MDM2: variants seen among roughly 807,000 people sequenced by gnomAD.
The protein encoded by MDM2 is E3 ubiquitin-protein ligase Mdm2.
Under a neutral mutation model 64.3 loss-of-function variants are expected in MDM2, and 11 were observed. The observed-to-expected ratio is 0.17, with a 90% CI of 0.11 to 0.28. The LOEUF is 0.28. MDM2 is among the 10% of genes least tolerant of loss of function. MDM2 has a pLI of 1.00. For synonymous variants in MDM2, 194 were observed against 192.9 expected (o/e 1.01, Z -0.05); for missense variants, 388 against 577.1 (o/e 0.67, Z 3.36).
intron 8 of MDM2, among the ~76,000 whole-genome samples, chr12:68,830,013 T>A (rs1290357946): frequency 2.6e-5 from 4 of 152,254 alleles, no homozygotes; most frequent in African/African-American, 9.6e-5. Context: ...CAGGATGGCT[T>A]TGAATGTGGC....
At position 68,822,920 on chromosome 12, in the gene MDM2, T is replaced by C. The variant is rs183333838; in HGVS notation, c.359-1443T>C. 3.4e-4 allele frequency among the ~76,000 whole-genome samples: 52 copies of C among 152,258 alleles called. No homozygotes were observed. The East Asian group carries it at 9.7e-3, about 28-fold the overall frequency. ...CACGTCCGGTTAATTTTTGTATTTTTAGTAGAGAAAGGGTTTCACCATGTT... is the reference window on the plus strand; with the variant it reads ...CACGTCCGGTTAATTTTTGTATTTTCAGTAGAGAAAGGGTTTCACCATGTT... On this transcript the variant is annotated intron_variant, in intron 5 of 10. Coordinates refer to ENST00000258149, the MANE Select transcript of MDM2 (RefSeq NM_002392.6).
intron 10 of MDM2, 140 bp from the exon 11 acceptor site, chr12:68,839,134 C>G (rs569466336): frequency 1.4e-4 from 102 of 713,510 alleles, no homozygotes; most frequent in Admixed American, 4.3e-4. Context: ...TTTACAGTGA[C>G]TATTTTATAT....
At chr12:68,828,620 T>A (rs2087351243) in intron 7 of MDM2, 151 bp from the exon 8 acceptor site, 1 of 620,068 alleles carries the variant, frequency 1.6e-6, no homozygotes, top group Non-Finnish European at 2.8e-6. Context: ...CAGATAGTGT[T>A]CTGCTGTAAC....
At chr12:68,815,836 A>G (rs1435671979) in intron 3 of MDM2, 1 of 167,496 alleles carries the variant, frequency 6.0e-6, no homozygotes, top group African/African-American at 2.4e-5. Context: ...GTAAAATGCC[A>G]TATGTATTTA....
At chr12:68,821,728 A>AAAAAC (rs60159979) in intron 5 of MDM2, among the ~76,000 whole-genome samples, 14,418 of 151,946 alleles carry the variant, frequency 0.095, 2,286 homozygotes, top group African/African-American at 0.33. Context: ...TAAAAAAGAC[A>AAAAAC]AAAACAAAAC....
Position 68,840,848 on chromosome 12 carries a change from T to C in MDM2, c.*999T>C, listed in dbSNP as rs886318180. The C allele has an allele frequency of 1.3e-5, 2 of 148,810 alleles. No individual in the cohort carries two copies. The highest frequency in any genetic ancestry group is 5.6e-5 in the African/African-American group (2 of 35,950). 9.2% of individuals were successfully genotyped at this position (148,810 alleles called of 1,614,324 possible). A position where few individuals can be genotyped will look rare whatever the true frequency, so the allele number is the denominator to read the frequency against. On this transcript the variant is annotated 3_prime_UTR_variant, in exon 11 of 11. Coordinates refer to ENST00000258149, the MANE Select transcript of MDM2 (RefSeq NM_002392.6). ...ATTTTAGATACTCTTTTTTTTTTTT[T>C]TTTTTTTTTTTTTTGAGACAGAGTC...
chr12:68,842,908 T>C lies in MDM2; in HGVS notation c.*3059T>C, dbSNP rs1883913690. The stretch of plus-strand genomic sequence containing the variant: ...CTGTTTTGATCTCTTTTAATTGTTC[T>C]GACAGATAGTTGGGGATGAGAGCCG... On this transcript the variant is annotated 3_prime_UTR_variant, in exon 11 of 11. Coordinates refer to ENST00000258149, the MANE Select transcript of MDM2 (RefSeq NM_002392.6). 1 of 208,420 alleles carries C rather than the reference T, an allele frequency of 4.8e-6. No homozygotes were observed. The highest frequency in any genetic ancestry group is 2.3e-5 in the African/African-American group (1 of 43,912). The allele number at this position is 208,420 out of a possible 1,614,324, so 12.9% of individuals were successfully genotyped here. A position where few individuals can be genotyped will look rare whatever the true frequency, so the allele number is the denominator to read the frequency against.
intron 8 of MDM2, among the ~76,000 whole-genome samples, chr12:68,833,339 ATATT>A (rs1423274043): frequency 7.4e-6 from 1 of 135,834 alleles, no homozygotes; most frequent in Admixed American, 7.9e-5. Flanking sequence ...ATAAAAATAT[ATATT>A]TATGTAAATA....
Position 68,824,783 on chromosome 12 carries a change from TC to T in MDM2, c.523+133del, listed in dbSNP as rs1261570844. The T allele has an allele frequency of 8.3e-5, 52 of 626,734 alleles. No homozygotes were observed. In the African/African-American group the frequency reaches 9.4e-4, roughly 11 times the overall value. 38.8% of individuals were successfully genotyped at this position (626,734 alleles called of 1,614,324 possible). ...AGATGAATTAACCTCTGAGTTTTTT[TC>T]ATTCGTGATTTTATTTGATTTACAA... On this transcript the variant is annotated intron_variant, in intron 7 of 10. Transcript: ENST00000258149.
rs1040925358 is a variant in MDM2 at position 68,843,270 on chromosome 12, A to C, written c.*3421A>C. The C allele has an allele frequency of 4.4e-6, 1 of 227,926 alleles. No homozygotes were observed. Among genetic ancestry groups the C allele is most frequent in the Non-Finnish European group, 8.7e-6 (1 of 115,030 alleles). 14.1% of individuals were successfully genotyped at this position (227,926 alleles called of 1,614,324 possible). A position where few individuals can be genotyped will look rare whatever the true frequency, so the allele number is the denominator to read the frequency against. ...TGCTTTGAGGACCTCCAAAGGTAAA[A>C]GTACTAATCCCTTTGGCCATTTATT... is the stretch of plus-strand genomic sequence containing the variant. On this transcript the variant is annotated 3_prime_UTR_variant, in exon 11 of 11. Transcript: ENST00000258149.
chr12:68,847,657 G>A (rs913820707), downstream of MDM2: 2 of 151,576 alleles, frequency 1.3e-5, no homozygotes, highest in Admixed American at 6.6e-5. Flanking sequence ...GTTTCACCGT[G>A]TTAGCCAAGA....
intron 10 of MDM2, 143 bp downstream of exon 10, chr12:68,836,892 T>A (rs1883349856): frequency 3.4e-6 from 2 of 593,300 alleles, no homozygotes; most frequent in African/African-American, 3.8e-5. Context: ...AAAGCATTTT[T>A]CTTTTATTTG....
intron 5 of MDM2, 68 bp downstream of exon 5, chr12:68,820,442 C>A: frequency 8.7e-7 from 1 of 1,154,632 alleles, no homozygotes; most frequent in Non-Finnish European, 1.3e-6. Flanking sequence ...TGTTTATGTG[C>A]ATATGTTTTA....
chr12:68,813,773 T>C, intron 3 of MDM2, 145 bp downstream of exon 3: 1 of 597,890 alleles, frequency 1.7e-6, no homozygotes, highest in Non-Finnish European at 2.9e-6. Context: ...TTGGACTATA[T>C]TTTAAAGCTG....
chr12:68,826,412 G>T (rs558783479), intron 7 of MDM2, among the ~76,000 whole-genome samples: 58 of 152,026 alleles, frequency 3.8e-4, no homozygotes, highest in Non-Finnish European at 7.1e-4. Flanking sequence ...ACTTTGGAAG[G>T]CCGAAGCGGG....
At chr12:68,839,013 A>G (rs3730652) in intron 10 of MDM2, among the ~76,000 whole-genome samples, 11,261 of 152,212 alleles carry the variant, frequency 0.074, 510 homozygotes, top group African/African-American at 0.13. Context: ...AATGTAATCC[A>G]TTATCTTGAA....
Position 68,842,797 on chromosome 12 carries a change from T to C in MDM2, c.*2948T>C, listed in dbSNP as rs1420309522. 1 of 194,704 alleles carries C rather than the reference T, an allele frequency of 5.1e-6. No individual in the cohort carries two copies. The highest frequency in any genetic ancestry group is 1.1e-5 in the Non-Finnish European group (1 of 93,578). The allele number at this position is 194,704 out of a possible 1,614,324, so 12.1% of individuals were successfully genotyped here. ...ATGAAAATAGCTCAAATAATATCTT[T>C]TATTTTGATTTTAATATTTCTTATT... On this transcript the variant is annotated 3_prime_UTR_variant, in exon 11 of 11. Transcript: ENST00000258149.
intron 7 of MDM2, chr12:68,828,537 G>C (rs1882524206): frequency 5.2e-6 from 2 of 383,088 alleles, no homozygotes; most frequent in East Asian, 1.0e-4. Context: ...TTGTGCCTCT[G>C]TACTCCAGCC....
intron 1 of MDM2, 86 bp from the exon 2 acceptor site, chr12:68,809,122 T>G: frequency 1.9e-6 from 3 of 1,568,738 alleles, no homozygotes; most frequent in Non-Finnish European, 2.6e-6. Flanking sequence ...TAGTTTTAAC[T>G]GTTGTTTATG....
Sources: gnomAD v4.1 joint callset for allele counts (sites outside exome capture counted in the v4.1 genomes callset) on GRCh38, gnomAD v4.1.1 for gene constraint, MANE v1.5 for transcripts, NCBI Gene and HGNC (gene_info 2026-07-23, HGNC 2026-07-21) for gene names.